The following CHRNA2 variants were observed in gnomAD, a reference collection of about 807,000 sequenced individuals.
The protein encoded by CHRNA2 is cholinergic receptor nicotinic alpha 2 subunit, also known as neuronal acetylcholine receptor subunit alpha-2.
CHRNA2 carries 40 observed loss-of-function variants against 45.5 expected under a neutral mutation model. The observed-to-expected ratio is 0.88, with a 90% CI of 0.68 to 1.15. The LOEUF (loss-of-function observed/expected upper bound fraction) is 1.15. CHRNA2 is among the 50% of genes most tolerant of loss of function. The pLI, the probability that CHRNA2 is intolerant of heterozygous loss-of-function variation, is 0.00. For missense variants in CHRNA2, 655 were observed against 701.7 expected (o/e 0.93, Z 0.75); for synonymous variants, 301 against 296.7 (o/e 1.01, Z -0.15).
Position 27,469,927 on chromosome 8 carries a change from G to A in CHRNA2, c.128C>T (p.Ser43Phe), listed in dbSNP as rs1339588754. 6.2e-7 allele frequency: 1 copy of A among 1,614,154 alleles called. No homozygotes were observed. Among genetic ancestry groups the A allele is most frequent in the East Asian group, 2.2e-5 (1 of 44,872 alleles). ...PPRAPGDPLSSPSPTALPQGG... is the reference protein window; with the variant it reads ...PPRAPGDPLSFPSPTALPQGG... ...CTGCGGCAATGCCGTGGGACTGGGA[G>A]AGGAGAGTGGGTCTCCAGGAGCCCT... is the stretch of plus-strand genomic sequence containing the variant. The change falls in exon 3 of 7, where the codon TCT becomes TTT. Residue 43 changes from serine to phenylalanine, a missense_variant. Ser to Phe is a radical substitution (Grantham distance 155, BLOSUM62 -2). This residue lies in a region of CHRNA2 where 323 missense variants were observed against 354.4 expected (regional missense o/e 0.91). Coordinates refer to ENST00000407991, the MANE Select transcript of CHRNA2 (RefSeq NM_000742.4).
chr8:27,477,078 A>G (rs879268459), intron 1 of CHRNA2: 2 of 152,140 alleles, frequency 1.3e-5, no homozygotes, highest in Non-Finnish European at 2.9e-5. Context: ...TCAAGCTAAG[A>G]TCTTTAGCTT....
intron 5 of CHRNA2, among the ~76,000 whole-genome samples, chr8:27,466,665 CTATT>C (rs1812707703): frequency 6.6e-6 from 1 of 152,230 alleles, no homozygotes; most frequent in Non-Finnish European, 1.5e-5. Flanking sequence ...TTATAGATGT[CTATT>C]TATTCCATCA....
chr8:27,470,657 G>T (rs562933840), intron 2 of CHRNA2, among the ~76,000 whole-genome samples: 2 of 152,228 alleles, frequency 1.3e-5, no homozygotes, highest in African/African-American at 4.8e-5. Context: ...GACAGAAAGC[G>T]CTGTGTCCCG....
Position 27,462,987 on chromosome 8 carries a change from C to T in CHRNA2, c.1456G>A (p.Asp486Asn). Reference sequence around the variant, plus strand: ...TCCCAACCCCAACGCACCGAAGAGTCAGCATCCTCAGACCGCAGGTGGTCG... The same window carrying T: ...TCCCAACCCCAACGCACCGAAGAGTTAGCATCCTCAGACCGCAGGTGGTCG... ...IADHLRSEDA[D>N]SSVKEDWKYV... The change falls in exon 6 of 7, where the codon GAC becomes AAC. Residue 486 changes from aspartate (D) to asparagine (N), a missense_variant. Transcript: ENST00000407991. 1 of 1,614,096 alleles carries T rather than the reference C, an allele frequency of 6.2e-7. No individual in the cohort carries two copies. Among genetic ancestry groups the T allele is most frequent in the Non-Finnish European group, 8.5e-7 (1 of 1,180,034 alleles).
intron 2 of CHRNA2, 85 bp downstream of exon 2, chr8:27,470,901 A>G: frequency 7.1e-7 from 1 of 1,409,066 alleles, no homozygotes; most frequent in Non-Finnish European, 1.0e-6. Flanking sequence ...CGGTTGCAAC[A>G]CATCCACCTG....
rs1812469487 is a variant in CHRNA2, at chr8:27,461,122, GACCTCACCTGGCTCTCCAACCTCCC to G, written c.*482_*506del. On this transcript the variant is annotated 3_prime_UTR_variant, in exon 7 of 7. Transcript: ENST00000407991. ...CTTCAACCCCAGCCTGACTTACAGA[GACCTCACCTGGCTCTCCAACCTCCC>G]ACCTCACCTGGCTGTTCTCCCTGGC... is the stretch of plus-strand genomic sequence containing the variant. 1.6e-5 allele frequency: 3 copies of G among 185,408 alleles called. No homozygotes were observed. Among genetic ancestry groups the G allele is most frequent in the South Asian group, 1.1e-4 (1 of 8,816 alleles). 11.5% of individuals were successfully genotyped at this position (185,408 alleles called of 1,614,324 possible). A position where few individuals can be genotyped will look rare whatever the true frequency, so the allele number is the denominator to read the frequency against.
chr8:27,462,687 C>T (rs1172481104), intron 6 of CHRNA2, among the ~76,000 whole-genome samples: 1 of 152,212 alleles, frequency 6.6e-6, no homozygotes, highest in African/African-American at 2.4e-5. Context: ...GTGAGGGAGG[C>T]ACGGGGTTCA....
At chr8:27,473,582 C>A (rs1586404492) in intron 1 of CHRNA2, among the ~76,000 whole-genome samples, 1 of 146,762 alleles carries the variant, frequency 6.8e-6, no homozygotes. Flanking sequence ...TGGTGCGTGC[C>A]TGTGATCTCA....
chr8:27,471,120 T>G lies in CHRNA2; in HGVS notation c.-62A>C. 1.4e-6 allele frequency: 2 copies of G among 1,463,264 alleles called. No individual in the cohort carries two copies. The highest frequency in any genetic ancestry group is 2.3e-5 in the East Asian group (1 of 43,878). The allele number at this position is 1,463,264 out of a possible 1,614,324, so 90.6% of individuals were successfully genotyped here. ...TTGCTGTGGGTTGCACCATGGACCA[T>G]GTCCCCAGCAGAGCTGCTGCTGGAT... On this transcript the variant is annotated 5_prime_UTR_variant, in exon 2 of 7. An upstream start codon of the reference 5' UTR is lost. Transcript: ENST00000407991.
In CHRNA2 at chr8:27,461,514, ACTCC is replaced by A; in HGVS notation, c.*111_*114del. ...CTGCAATCCCTGGGTCAGTGTCCAG[ACTCC>A]GCGGAGAGGCACCTGCTCATCCCAA... is the stretch of plus-strand genomic sequence containing the variant. On this transcript the variant is annotated 3_prime_UTR_variant, in exon 7 of 7. Transcript: ENST00000407991. 1 of 1,435,674 alleles carries A rather than the reference ACTCC, an allele frequency of 7.0e-7. No homozygotes were observed. Among genetic ancestry groups the A allele is most frequent in the Non-Finnish European group, 9.6e-7 (1 of 1,036,816 alleles). The allele number at this position is 1,435,674 out of a possible 1,614,324, so 88.9% of individuals were successfully genotyped here. A position where few individuals can be genotyped will look rare whatever the true frequency, so the allele number is the denominator to read the frequency against.
intron 1 of CHRNA2, among the ~76,000 whole-genome samples, chr8:27,478,031 T>C (rs956467847): frequency 1.3e-5 from 2 of 152,136 alleles, no homozygotes; most frequent in African/African-American, 4.8e-5. Context: ...AATTCTGTTT[T>C]CAACTTCTCA....
rs778145084 is a variant in CHRNA2, at chr8:27,470,016, G to A, written c.74-35C>T. On this transcript the variant is annotated intron_variant, in intron 2 of 6. Coordinates refer to ENST00000407991, the MANE Select transcript of CHRNA2 (RefSeq NM_000742.4). ...AATCAGAGCCACTCAGCCTCACTGAGCCTCAGTTTGCTCATCTGTAAAATG... is the reference window on the plus strand; with the variant it reads ...AATCAGAGCCACTCAGCCTCACTGAACCTCAGTTTGCTCATCTGTAAAATG... 1.1e-5 allele frequency: 18 copies of A among 1,581,346 alleles called. No individual in the cohort carries two copies. In the East Asian group the frequency reaches 3.8e-4, roughly 34 times the overall value.
intron 3 of CHRNA2, 24 bp from the exon 4 acceptor site, chr8:27,469,403 G>T: frequency 6.4e-7 from 1 of 1,552,924 alleles, no homozygotes; most frequent in Non-Finnish European, 8.7e-7. Context: ...AGACAGAGGA[G>T]CAATTAAAGG....
chr8:27,478,147 C>A (rs771554096), intron 1 of CHRNA2, among the ~76,000 whole-genome samples: 4 of 152,236 alleles, frequency 2.6e-5, no homozygotes, highest in Non-Finnish European at 5.9e-5. Flanking sequence ...CCCAAGCATA[C>A]AGGTCTCAGC....
intron 1 of CHRNA2, chr8:27,475,607 T>A (rs1025212298): frequency 1.3e-5 from 2 of 152,170 alleles, no homozygotes; most frequent in African/African-American, 4.8e-5. Context: ...ATGAAAAAAA[T>A]CTACAGATGG....
chr8:27,476,942 C>T (rs566502923), intron 1 of CHRNA2, among the ~76,000 whole-genome samples: 1 of 151,492 alleles, frequency 6.6e-6, no homozygotes, highest in African/African-American at 2.4e-5. Context: ...TTGGGCCTCA[C>T]GTGACCCCTA....
At position 27,469,982 on chromosome 8, in the gene CHRNA2, C is replaced by G. The variant is rs1299733769; in HGVS notation, c.74-1G>C. The G allele has an allele frequency of 6.2e-7, 1 of 1,612,754 alleles. No individual in the cohort carries two copies. The stretch of plus-strand genomic sequence containing the variant: ...GGTGGGCGCTTAGCTTCCTCTCCAC[C>G]TGCCATCAAATCAGAGCCACTCAGC... On this transcript the variant is annotated splice_acceptor_variant, in intron 2 of 6. Transcript: ENST00000407991. LOFTEE classifies it high-confidence loss of function.
At position 27,469,906 on chromosome 8, in the gene CHRNA2, G is replaced by C. The variant is rs146763552; in HGVS notation, c.149C>G (p.Pro50Arg). The change falls in exon 3 of 7, where the codon CCG becomes CGG. Residue 50 changes from proline (P) to arginine (R), a missense_variant. Transcript: ENST00000407991. ...AGTCTCGGTATGCGAGCCTCCCTGC[G>C]GCAATGCCGTGGGACTGGGAGAGGA... ...PLSSPSPTAL[P>R]QGGSHTETED... 8.7e-6 allele frequency: 14 copies of C among 1,614,052 alleles called. No homozygotes were observed. In the African/African-American group the frequency reaches 1.7e-4, roughly 20 times the overall value.
chr8:27,467,476 A>T, intron 4 of CHRNA2, 138 bp from the exon 5 acceptor site: 1 of 663,714 alleles, frequency 1.5e-6, no homozygotes, highest in Non-Finnish European at 2.7e-6. Flanking sequence ...AGCCCAGAAT[A>T]GTGGAGGGAG....
Sources: gnomAD v4.1 joint callset for allele counts (sites outside exome capture counted in the v4.1 genomes callset) on GRCh38, gnomAD v4.1.1 for gene constraint, gnomAD v4.1.1 regional missense constraint, MANE v1.5 for transcripts, NCBI Gene and HGNC (gene_info 2026-07-23, HGNC 2026-07-21) for gene names.